The following NEFH variants were observed in gnomAD, a reference collection of about 807,000 sequenced individuals.
NEFH encodes the protein neurofilament heavy polypeptide.
A neutral mutation model predicts 56.6 loss-of-function variants in NEFH; 58 were observed. The observed-to-expected ratio is 1.03, with a 90% CI of 0.83 to 1.28. The LOEUF is 1.28. Among genes scored for constraint, NEFH ranks in the 50% most tolerant of loss-of-function variants. The probability of loss-of-function intolerance (pLI) is 0.00; values close to 1 mark genes in which losing one functional copy is unlikely to be tolerated. For synonymous variants in NEFH, 542 were observed against 545.8 expected (o/e 0.99, Z 0.10); for missense variants, 1,221 against 1,307.6 (o/e 0.93, Z 1.02).
chr22:29,489,012 G>C lies in NEFH; in HGVS notation c.1372G>C (p.Glu458Gln), dbSNP rs147559439. The change falls in exon 4 of 4, where the codon GAG becomes CAG. Residue 458 changes from glutamate (E) to glutamine (Q), a missense_variant. Coordinates refer to ENST00000310624, the MANE Select transcript of NEFH (RefSeq NM_021076.4). ...EKSEKETVIV[E>Q]EQTEETQVTE... The stretch of plus-strand genomic sequence containing the variant: ...GTCTGAGAAAGAAACTGTGATTGTG[G>C]AGGAACAGACAGAGGAGACCCAAGT... 1 of 1,614,078 alleles carries C rather than the reference G, an allele frequency of 6.2e-7. No individual in the cohort carries two copies. Among genetic ancestry groups the C allele is most frequent in the Non-Finnish European group, 8.5e-7 (1 of 1,180,038 alleles).
chr22:29,481,563 C>T (rs2063010219), intron 1 of NEFH, among the ~76,000 whole-genome samples: 1 of 152,188 alleles, frequency 6.6e-6, no homozygotes, highest in Admixed American at 6.5e-5. Context: ...CCAATGCTGC[C>T]ATGCCCTCTC....
intron 3 of NEFH, among the ~76,000 whole-genome samples, chr22:29,486,604 C>A (rs772647204): frequency 2.7e-5 from 4 of 148,638 alleles, no homozygotes; most frequent in Non-Finnish European, 4.4e-5. Flanking sequence ...CTCACTGCAA[C>A]CTCTGTGTCC....
At chr22:29,482,225 C>T (rs1025902345) in intron 1 of NEFH, among the ~76,000 whole-genome samples, 3 of 152,170 alleles carry the variant, frequency 2.0e-5, no homozygotes, top group Non-Finnish European at 4.4e-5. Flanking sequence ...CCTCCATCTC[C>T]GCAGCAAGGC....
At chr22:29,486,081 C>G (rs549287752) in intron 3 of NEFH, among the ~76,000 whole-genome samples, 2 of 152,112 alleles carry the variant, frequency 1.3e-5, no homozygotes, top group Non-Finnish European at 2.9e-5. Context: ...TATGGTGGTG[C>G]GATCTCTGCC....
chr22:29,481,015 G>T lies in NEFH; in HGVS notation c.753G>T (p.Ala251=), dbSNP rs561046578. The change falls in exon 1 of 4, where the codon GCG becomes GCT. Residue 251 remains alanine (A), a synonymous_variant. Transcript: ENST00000310624. ...LLGQIQGSGA[A]QAQMQAETRD... ...GCCAGATCCAGGGCTCCGGCGCCGC[G>T]CAGGCGCAGATGCAGGCCGAGACGC... 1.3e-6 allele frequency: 2 copies of T among 1,531,654 alleles called. No individual in the cohort carries two copies. Among genetic ancestry groups the T allele is most frequent in the Non-Finnish European group, 1.7e-6 (2 of 1,145,432 alleles). The allele number at this position is 1,531,654 out of a possible 1,614,324, so 94.9% of individuals were successfully genotyped here. A position where few individuals can be genotyped will look rare whatever the true frequency, so the allele number is the denominator to read the frequency against.
In NEFH at chr22:29,490,954, A is replaced by G; in HGVS notation, c.*251A>G. 1 of 632,466 alleles carries G rather than the reference A, an allele frequency of 1.6e-6. No individual in the cohort carries two copies. The highest frequency in any genetic ancestry group is 2.7e-6 in the Non-Finnish European group (1 of 374,132). 39.2% of individuals were successfully genotyped at this position (632,466 alleles called of 1,614,324 possible). On this transcript the variant is annotated 3_prime_UTR_variant, in exon 4 of 4. Coordinates refer to ENST00000310624, the MANE Select transcript of NEFH (RefSeq NM_021076.4). The stretch of plus-strand genomic sequence containing the variant: ...ATGATAGCTTATGTAGCTGAATGTG[A>G]TACATGCCGAATGCCACACGTAAAC...
chr22:29,484,832 G>A (rs2063034831), intron 2 of NEFH, among the ~76,000 whole-genome samples: 1 of 144,378 alleles, frequency 6.9e-6, no homozygotes, highest in Non-Finnish European at 1.5e-5. Flanking sequence ...CTCCCACTGG[G>A]TTTTTTTTTT....
chr22:29,480,480 G>A lies in NEFH; in HGVS notation c.218G>A (p.Ser73Asn). 6.5e-7 allele frequency: 1 copy of A among 1,533,498 alleles called. No homozygotes were observed. The highest frequency in any genetic ancestry group is 8.7e-7 in the Non-Finnish European group (1 of 1,146,402). The allele number at this position is 1,533,498 out of a possible 1,614,324, so 95.0% of individuals were successfully genotyped here. A position where few individuals can be genotyped will look rare whatever the true frequency, so the allele number is the denominator to read the frequency against. ...TTCCGTGGCGCAGGCGCCGCCTCAA[G>A]CACCGACTCGCTGGACACGCTGAGC... ...SRFRGAGAAS[S>N]TDSLDTLSNG... Residue 73 changes from serine to asparagine, a missense_variant, in exon 1 of 4, where the codon AGC (serine) becomes AAC (asparagine). This residue lies in a region of NEFH where 640 missense variants were observed against 555.5 expected (regional missense o/e 1.15). Coordinates refer to ENST00000310624, the MANE Select transcript of NEFH (RefSeq NM_021076.4).
In NEFH at chr22:29,490,297, A is replaced by G. The variant is rs1385969579; in HGVS notation, c.2657A>G (p.Lys886Arg). 6.8e-6 allele frequency: 11 copies of G among 1,612,872 alleles called. No homozygotes were observed. Among genetic ancestry groups the G allele is most frequent in the African/African-American group, 1.3e-5 (1 of 74,912 alleles). ...EKKEPAVEKP[K>R]ESKVEAKKEE... is the part of the protein sequence containing the mutation. Reference sequence around the variant, plus strand: ...AAGGAACCTGCTGTCGAAAAGCCCAAAGAATCCAAAGTTGAAGCCAAGAAG... The same window carrying G: ...AAGGAACCTGCTGTCGAAAAGCCCAGAGAATCCAAAGTTGAAGCCAAGAAG... Residue 886 changes from lysine to arginine, a missense_variant, in exon 4 of 4, where the codon AAA becomes AGA. Physicochemically the swap from Lys to Arg is conservative, Grantham distance 26. Coordinates refer to ENST00000310624, the MANE Select transcript of NEFH (RefSeq NM_021076.4).
At chr22:29,488,334 G>C (rs990219748) in intron 3 of NEFH, among the ~76,000 whole-genome samples, 1 of 152,060 alleles carries the variant, frequency 6.6e-6, no homozygotes, top group Admixed American at 6.6e-5. Context: ...AGTGAACTGA[G>C]ATTGTACCAC....
chr22:29,490,597 C>T lies in NEFH; in HGVS notation c.2957C>T (p.Pro986Leu). The T allele has an allele frequency of 6.2e-7, 1 of 1,614,028 alleles. No homozygotes were observed. The highest frequency in any genetic ancestry group is 8.5e-7 in the Non-Finnish European group (1 of 1,180,002). ...GATGACAAGACCCTCTCAAAAGAGC[C>T]TAGCAAGCCTAAGGCAGAAAAGGCT... is the stretch of plus-strand genomic sequence containing the variant. ...KEDDKTLSKEPSKPKAEKAEK... is the reference protein window; with the variant it reads ...KEDDKTLSKELSKPKAEKAEK... The change falls in exon 4 of 4, where the codon CCT becomes CTT. Residue 986 changes from proline to leucine, a missense_variant. Coordinates refer to ENST00000310624, the MANE Select transcript of NEFH (RefSeq NM_021076.4).
intron 3 of NEFH, among the ~76,000 whole-genome samples, chr22:29,487,563 T>C (rs549117839): frequency 6.6e-6 from 1 of 152,222 alleles, no homozygotes; most frequent in East Asian, 1.9e-4. Context: ...GCCTGGGAGT[T>C]GGAGGCTTCA....
rs1249810758 is a variant in NEFH, at chr22:29,489,727, C to G, written c.2087C>G (p.Ser696Cys). ...GCAAAGTCCCCTGAGAAGGCCAAGT[C>G]CCCAGTGAAGGAAGAAGCAAAGTCC... is the stretch of plus-strand genomic sequence containing the variant. ...AEAKSPEKAK[S>C]PVKEEAKSPE... Residue 696 changes from serine to cysteine, a missense_variant, in exon 4 of 4, where the codon TCC becomes TGC. Coordinates refer to ENST00000310624, the MANE Select transcript of NEFH (RefSeq NM_021076.4). 3 of 1,611,682 alleles carry G rather than the reference C, an allele frequency of 1.9e-6. No homozygotes were observed. Among genetic ancestry groups the G allele is most frequent in the Non-Finnish European group, 2.5e-6 (3 of 1,179,506 alleles).
At chr22:29,486,519 CTTTTT>C (rs362163) in intron 3 of NEFH, among the ~76,000 whole-genome samples, 16 of 102,478 alleles carry the variant, frequency 1.6e-4, no homozygotes, top group Admixed American at 1.3e-3. Flanking sequence ...AGACATGAGT[CTTTTT>C]TTTTTTTTTT....
chr22:29,487,641 C>T (rs2063051999), intron 3 of NEFH, among the ~76,000 whole-genome samples: 1 of 152,054 alleles, frequency 6.6e-6, no homozygotes, highest in Admixed American at 6.6e-5. Context: ...TCAAAAATAA[C>T]AACAACACAA....
chr22:29,480,375 G>A lies in NEFH; in HGVS notation c.113G>A (p.Arg38His). The A allele has an allele frequency of 6.5e-7, 1 of 1,535,102 alleles. No individual in the cohort carries two copies. Among genetic ancestry groups the A allele is most frequent in the East Asian group, 2.4e-5 (1 of 41,144 alleles). Residue 38 changes from arginine (R) to histidine (H), a missense_variant, in exon 1 of 4, where the codon CGC (arginine) becomes CAC (histidine). Around this residue, in one of 4 missense-constraint regions of NEFH, gnomAD observed 640 missense variants for 555.5 expected, o/e 1.15. Coordinates refer to ENST00000310624, the MANE Select transcript of NEFH (RefSeq NM_021076.4). ...LARKGGAGGT[R>H]SAAGSSSGFH... Reference sequence around the variant, plus strand: ...CGAAAGGGTGGCGCAGGCGGGACGCGCTCCGCCGCTGGCTCCTCCAGCGGC... The same window carrying A: ...CGAAAGGGTGGCGCAGGCGGGACGCACTCCGCCGCTGGCTCCTCCAGCGGC...
chr22:29,486,666 G>A (rs2146397508), intron 3 of NEFH, among the ~76,000 whole-genome samples: 1 of 151,996 alleles, frequency 6.6e-6, no homozygotes, highest in East Asian at 1.9e-4. Context: ...GGGATTACAG[G>A]CACATGCCAC....
At position 29,480,787 on chromosome 22, in the gene NEFH, C is replaced by T; in HGVS notation, c.525C>T (p.Leu175=). 2 of 1,425,668 alleles carry T rather than the reference C, an allele frequency of 1.4e-6. No individual in the cohort carries two copies. Among genetic ancestry groups the T allele is most frequent in the Non-Finnish European group, 9.1e-7 (1 of 1,100,730 alleles). 88.3% of individuals were successfully genotyped at this position (1,425,668 alleles called of 1,614,324 possible). The change falls in exon 1 of 4, where the codon CTC becomes CTT. Residue 175 remains leucine, a synonymous_variant. Coordinates refer to ENST00000310624, the MANE Select transcript of NEFH (RefSeq NM_021076.4). ...TACGCCTGGAGCAGGAGCACCTGCT[C>T]GAGGACATCGCGCACGTGCGCCAGC... ...GQLRLEQEHL[L]EDIAHVRQRL... is the part of the protein sequence containing the mutation.
At chr22:29,487,721 C>T (rs1053981006) in intron 3 of NEFH, among the ~76,000 whole-genome samples, 1 of 152,222 alleles carries the variant, frequency 6.6e-6, no homozygotes, top group Non-Finnish European at 1.5e-5. Flanking sequence ...TTGATAAGAT[C>T]CCCGGTCATC....
Sources: gnomAD v4.1 joint callset for allele counts (sites outside exome capture counted in the v4.1 genomes callset) on GRCh38, gnomAD v4.1.1 for gene constraint, gnomAD v4.1.1 regional missense constraint, MANE v1.5 for transcripts, NCBI Gene and HGNC (gene_info 2026-07-23, HGNC 2026-07-21) for gene names.